The following RRAS2 variants were observed in gnomAD, a reference collection of about 807,000 sequenced individuals.
RRAS2 encodes RAS related 2.
Under a neutral mutation model 27.6 loss-of-function variants are expected in RRAS2, and 7 were observed. The observed-to-expected ratio is 0.25, with a 90% confidence interval of 0.14 to 0.48. The LOEUF (loss-of-function observed/expected upper bound fraction) is 0.48, where lower values mean the gene tolerates loss of function less well. Ranked by LOEUF, RRAS2 falls within the 20% of genes least tolerant of loss-of-function variation. The probability of loss-of-function intolerance (pLI) is 0.99; values close to 1 mark genes in which losing one functional copy is unlikely to be tolerated. For missense variants in RRAS2, 178 were observed against 256.2 expected (o/e 0.69, Z 2.08); for synonymous variants, 86 against 90.9 (o/e 0.95, Z 0.31).
chr11:14,294,376 T>TC (rs1181651860), intron 4 of RRAS2, 95 bp downstream of exon 4: 1 of 837,714 alleles, frequency 1.2e-6, no homozygotes, highest in South Asian at 2.2e-5. Flanking sequence ...CACCGTATTT[T>TC]TTTTTTACTA....
At chr11:14,363,661 C>A (rs1849217819), upstream of RRAS2, among the ~76,000 whole-genome samples, 1 of 152,008 alleles carries the variant, frequency 6.6e-6, no homozygotes, top group African/African-American at 2.4e-5. Flanking sequence ...ATCCTAGCTA[C>A]CTGGGAGGCT....
intron 1 of RRAS2, among the ~76,000 whole-genome samples, chr11:14,310,900 G>A (rs183752403): frequency 3.9e-5 from 6 of 152,266 alleles, no homozygotes; most frequent in African/African-American, 1.4e-4. Flanking sequence ...GCATGCAATG[G>A]ACAGACAGGT....
intron 1 of RRAS2, among the ~76,000 whole-genome samples, chr11:14,324,009 C>G (rs190992459): frequency 6.2e-4 from 93 of 150,414 alleles, no homozygotes; most frequent in Admixed American, 2.5e-3. Context: ...GCAAACAACA[C>G]TTTTTACAGT....
chr11:14,349,382 T>C (rs1220283604), intron 1 of RRAS2, among the ~76,000 whole-genome samples: 2 of 150,532 alleles, frequency 1.3e-5, no homozygotes, highest in Non-Finnish European at 3.0e-5. Context: ...CAGGATGGTC[T>C]CGATCTGCTG....
At chr11:14,294,606 T>C in intron 3 of RRAS2, 27 bp from the exon 4 acceptor site, 5 of 1,531,136 alleles carry the variant, frequency 3.3e-6, no homozygotes, top group Non-Finnish European at 4.5e-6. Context: ...CAAAAACAAA[T>C]TAATCAATTT....
At chr11:14,359,200 G>T, upstream of RRAS2, 1 of 995,192 alleles carries the variant, frequency 1.0e-6, no homozygotes, top group Non-Finnish European at 1.2e-6. Context: ...CGGGCTGCCA[G>T]GCTGAGGTGC....
upstream of RRAS2, among the ~76,000 whole-genome samples, chr11:14,359,400 T>C (rs1295643031): frequency 1.3e-5 from 2 of 151,966 alleles, no homozygotes; most frequent in Non-Finnish European, 2.9e-5. Flanking sequence ...GTCACCCTAA[T>C]TGTCTATGTA....
At chr11:14,361,165 T>C (rs371324337), upstream of RRAS2, among the ~76,000 whole-genome samples, 6 of 152,262 alleles carry the variant, frequency 3.9e-5, no homozygotes, top group South Asian at 6.2e-4. Flanking sequence ...TACACGCCTA[T>C]AGTCCCAGCC....
intron 4 of RRAS2, 119 bp downstream of exon 4, chr11:14,294,352 T>C (rs1554946240): frequency 4.8e-6 from 3 of 624,294 alleles, no homozygotes; most frequent in Non-Finnish European, 8.0e-6. Context: ...TATAAACACT[T>C]AAGTGGCATG....
intron 1 of RRAS2, among the ~76,000 whole-genome samples, chr11:14,341,309 T>C (rs1228922263): frequency 6.6e-6 from 1 of 152,226 alleles, no homozygotes; most frequent in African/African-American, 2.4e-5. Context: ...GGCATTTGTT[T>C]TGTATACCTA....
At chr11:14,312,565 G>A (rs1847999121) in intron 1 of RRAS2, among the ~76,000 whole-genome samples, 2 of 152,074 alleles carry the variant, frequency 1.3e-5, no homozygotes. Flanking sequence ...GACTGTAGGT[G>A]CATGCCACCA....
intron 1 of RRAS2, among the ~76,000 whole-genome samples, chr11:14,353,279 T>C (rs1416614027): frequency 3.3e-5 from 5 of 152,168 alleles, no homozygotes; most frequent in African/African-American, 1.2e-4. Flanking sequence ...TAGCCTGTTA[T>C]CTACCAAGGG....
Position 14,279,104 on chromosome 11 carries a change from T to C in RRAS2, c.*233A>G, listed in dbSNP as rs1227825726. On this transcript the variant is annotated 3_prime_UTR_variant, in exon 6 of 6. Coordinates refer to ENST00000256196, the MANE Select transcript of RRAS2 (RefSeq NM_012250.6). The stretch of plus-strand genomic sequence containing the variant: ...AAGAGCATGTCTGTGTATATAGACA[T>C]ATATTTTAAAGGAATCAGATAATCT... 2.1e-6 allele frequency: 1 copy of C among 469,012 alleles called. No individual in the cohort carries two copies. Among genetic ancestry groups the C allele is most frequent in the East Asian group, 3.5e-5 (1 of 28,318 alleles). The allele number at this position is 469,012 out of a possible 1,614,324, so 29.1% of individuals were successfully genotyped here.
At chr11:14,356,972 G>A (rs1849090714) in intron 1 of RRAS2, among the ~76,000 whole-genome samples, 1 of 151,866 alleles carries the variant, frequency 6.6e-6, no homozygotes, top group South Asian at 2.1e-4. Context: ...ATTTTTAGTA[G>A]AGACGGGGTT....
chr11:14,359,385 AGT>A (rs1849158261), upstream of RRAS2, among the ~76,000 whole-genome samples: 1 of 152,238 alleles, frequency 6.6e-6, no homozygotes, highest in Non-Finnish European at 1.5e-5. Flanking sequence ...AGGCAGAAAG[AGT>A]GTGTCACCCT....
intron 5 of RRAS2, among the ~76,000 whole-genome samples, chr11:14,279,872 G>A (rs1418174286): frequency 6.6e-6 from 1 of 152,116 alleles, no homozygotes; most frequent in African/African-American, 2.4e-5. Context: ...GGGAATAATG[G>A]AAACCTACCT....
rs1554944350 is a variant in RRAS2 at position 14,281,715 on chromosome 11, T to C, written c.414A>G (p.Thr138=). 6.3e-7 allele frequency: 1 copy of C among 1,599,182 alleles called. No homozygotes were observed. Among genetic ancestry groups the C allele is most frequent in the Admixed American group, 1.8e-5 (1 of 56,698 alleles). ...KADLDHQRQV[T]QEEGQQLARQ... The stretch of plus-strand genomic sequence containing the variant: ...GTGCTAACTGTTGTCCTTCTTCCTG[T>C]GTTACCTGAAATTCCAACAGTTATG... Residue 138 remains threonine, a synonymous_variant, in exon 5 of 6, where the codon ACA becomes ACG. Transcript: ENST00000256196.
intron 1 of RRAS2, among the ~76,000 whole-genome samples, chr11:14,318,432 G>A (rs1270633246): frequency 1.3e-5 from 2 of 152,086 alleles, no homozygotes; most frequent in Non-Finnish European, 2.9e-5. Context: ...GAACCTGAGA[G>A]GCAGAGGTTG....
chr11:14,323,599 T>G (rs544774133), intron 1 of RRAS2, among the ~76,000 whole-genome samples: 115 of 152,104 alleles, frequency 7.6e-4, no homozygotes, highest in African/African-American at 2.7e-3. Flanking sequence ...TCTACCAAAC[T>G]TTCAGGAAAC....
Sources: gnomAD v4.1 joint callset for allele counts (sites outside exome capture counted in the v4.1 genomes callset) on GRCh38, gnomAD v4.1.1 for gene constraint, MANE v1.5 for transcripts, NCBI Gene and HGNC (gene_info 2026-07-23, HGNC 2026-07-21) for gene names.